The following VSTM2B variants were observed in gnomAD, a reference collection of about 807,000 sequenced individuals.
The protein encoded by VSTM2B is V-set and transmembrane domain containing 2B, also known as V-set and transmembrane domain-containing protein 2B.
In VSTM2B, 24 loss-of-function variants were observed where a neutral mutation model predicts 24.0. That is an observed-to-expected ratio of 1.00 (90% CI 0.72 to 1.40). VSTM2B has a LOEUF of 1.40. VSTM2B is among the 40% of genes most tolerant of loss of function. VSTM2B has a pLI of 0.00. For missense variants in VSTM2B, 399 were observed against 416.4 expected (o/e 0.96, Z 0.36); for synonymous variants, 226 against 194.4 (o/e 1.16, Z -1.35).
intron 4 of VSTM2B, among the ~76,000 whole-genome samples, chr19:29,546,670 G>GCCCCCCC (rs201235419): frequency 1.3e-5 from 2 of 150,430 alleles, no homozygotes; most frequent in African/African-American, 4.9e-5. Context: ...CCGCTGGGGA[G>GCCCCCCC]CCCCCACCCC....
At chr19:29,530,442 C>CG (rs1491307972) in intron 4 of VSTM2B, among the ~76,000 whole-genome samples, 152 bp downstream of exon 4, 1 of 146,070 alleles carries the variant, frequency 6.8e-6, no homozygotes, top group African/African-American at 2.5e-5. Flanking sequence ...AGCGCCCCCC[C>CG]CAGGGCCTTC....
intron 2 of VSTM2B, among the ~76,000 whole-genome samples, chr19:29,527,783 G>A (rs966429332): frequency 2.6e-5 from 4 of 152,196 alleles, no homozygotes; most frequent in Admixed American, 2.6e-4. Flanking sequence ...GGGCTCCCAC[G>A]GCTGCGTTCC....
intron 4 of VSTM2B, among the ~76,000 whole-genome samples, chr19:29,537,368 G>A (rs1290993093): frequency 6.6e-6 from 1 of 152,108 alleles, no homozygotes; most frequent in Non-Finnish European, 1.5e-5. Context: ...AGGTGGCTGC[G>A]GGGGCTGCTT....
At chr19:29,546,769 C>T (rs1181586257) in intron 4 of VSTM2B, among the ~76,000 whole-genome samples, 1 of 152,118 alleles carries the variant, frequency 6.6e-6, no homozygotes, top group Admixed American at 6.5e-5. Flanking sequence ...TTGCCATTCA[C>T]ATTAAGTGAC....
In VSTM2B at chr19:29,564,006, G is replaced by A. The variant is rs1372121009; in HGVS notation, c.*72G>A. ...CGGGGCCCTCGGTGAGGACCATGTC[G>A]CTGGATGGACACAGAGAGACTGAGA... On this transcript the variant is annotated 3_prime_UTR_variant, in exon 5 of 5. Coordinates refer to ENST00000335523, the MANE Select transcript of VSTM2B (RefSeq NM_001146339.2). The A allele has an allele frequency of 3.1e-5, 37 of 1,187,184 alleles. 1 individual carries two copies. Among genetic ancestry groups the A allele is most frequent in the South Asian group, 9.1e-5 (7 of 76,556 alleles). The allele number at this position is 1,187,184 out of a possible 1,614,324, so 73.5% of individuals were successfully genotyped here. A position where few individuals can be genotyped will look rare whatever the true frequency, so the allele number is the denominator to read the frequency against.
chr19:29,531,939 A>G (rs1969771110), intron 4 of VSTM2B, among the ~76,000 whole-genome samples: 5 of 152,238 alleles, frequency 3.3e-5, no homozygotes, highest in Non-Finnish European at 7.3e-5. Flanking sequence ...GAGGCTTCCA[A>G]AGTCACTCTG....
intron 4 of VSTM2B, among the ~76,000 whole-genome samples, chr19:29,562,070 T>C (rs752506798): frequency 1.4e-4 from 21 of 152,190 alleles, no homozygotes; most frequent in Non-Finnish European, 2.6e-4. Context: ...CGATGGTCTA[T>C]GGACAATTCA....
chr19:29,555,030 G>A (rs537081939), intron 4 of VSTM2B, among the ~76,000 whole-genome samples: 28 of 152,258 alleles, frequency 1.8e-4, no homozygotes, highest in Non-Finnish European at 2.9e-4. Context: ...AGGATATTTA[G>A]GACTTGAACT....
chr19:29,543,538 C>T (rs980091191), intron 4 of VSTM2B, among the ~76,000 whole-genome samples: 2 of 152,244 alleles, frequency 1.3e-5, no homozygotes, highest in South Asian at 2.1e-4. Context: ...AGCCTCCTCC[C>T]GGACCTCAGG....
intron 3 of VSTM2B, 100 bp downstream of exon 3, chr19:29,528,562 G>T: frequency 7.1e-7 from 1 of 1,416,318 alleles, no homozygotes. Context: ...GCGCATGTGG[G>T]GCCGCGCAAG....
At chr19:29,534,726 A>AAAAG (rs1555748904) in intron 4 of VSTM2B, among the ~76,000 whole-genome samples, 78 of 148,692 alleles carry the variant, frequency 5.2e-4, no homozygotes, top group South Asian at 2.0e-3. Context: ...CAAAAAAAAA[A>AAAAG]AAAGAAAGAA....
upstream of VSTM2B, among the ~76,000 whole-genome samples, chr19:29,525,949 A>C (rs1462981638): frequency 6.6e-6 from 1 of 150,502 alleles, no homozygotes; most frequent in East Asian, 2.0e-4. Context: ...CTTGGCGCCC[A>C]GCCACTGACC....
At position 29,525,995 on chromosome 19, in the gene VSTM2B, C is replaced by A. The variant is rs1969551391; in HGVS notation, c.-589C>A. On this transcript the variant is annotated 5_prime_UTR_variant, in exon 1 of 5. Coordinates refer to ENST00000335523, the MANE Select transcript of VSTM2B (RefSeq NM_001146339.2). ...TTCCCCTCCCCTCCCCCTCTCCCCGCCTCTCTCCGGCTCCGGGTCCGCCAC... is the reference window on the plus strand; with the variant it reads ...TTCCCCTCCCCTCCCCCTCTCCCCGACTCTCTCCGGCTCCGGGTCCGCCAC... Among the ~76,000 whole-genome samples the A allele has an allele frequency of 6.6e-6, 1 of 151,994 alleles. No individual in the cohort carries two copies. Among genetic ancestry groups the A allele is most frequent in the African/African-American group, 2.4e-5 (1 of 41,430 alleles).
At chr19:29,557,673 T>C (rs527274590) in intron 4 of VSTM2B, among the ~76,000 whole-genome samples, 2 of 148,694 alleles carry the variant, frequency 1.3e-5, no homozygotes, top group Non-Finnish European at 3.0e-5. Context: ...CACTCCAGCC[T>C]GGGCAACAAG....
chr19:29,550,119 A>T (rs734837), intron 4 of VSTM2B, among the ~76,000 whole-genome samples: 1 of 152,206 alleles, frequency 6.6e-6, no homozygotes, highest in Non-Finnish European at 1.5e-5. Flanking sequence ...TTTCTAGCCA[A>T]GAAGCCCTTG....
At chr19:29,545,440 C>G (rs1970130398) in intron 4 of VSTM2B, among the ~76,000 whole-genome samples, 1 of 152,066 alleles carries the variant, frequency 6.6e-6, no homozygotes, top group African/African-American at 2.4e-5. Context: ...TGGTGAAACC[C>G]CATCTCTACT....
chr19:29,540,168 A>C (rs1257670268), intron 4 of VSTM2B, among the ~76,000 whole-genome samples: 1 of 152,258 alleles, frequency 6.6e-6, no homozygotes, highest in East Asian at 1.9e-4. Flanking sequence ...CATCAGGCTC[A>C]GTCCGAGTGG....
intron 4 of VSTM2B, among the ~76,000 whole-genome samples, chr19:29,552,818 C>T (rs1462227170): frequency 6.6e-6 from 1 of 152,182 alleles, no homozygotes; most frequent in Non-Finnish European, 1.5e-5. Context: ...GAGGAATTCC[C>T]CACAGTGCAG....
intron 4 of VSTM2B, among the ~76,000 whole-genome samples, chr19:29,563,157 C>T (rs1599915224): frequency 1.3e-5 from 2 of 151,888 alleles, no homozygotes; most frequent in East Asian, 1.9e-4. Flanking sequence ...TGTGTGGGAT[C>T]GTGTAGCCTT....
Sources: gnomAD v4.1 joint callset for allele counts (sites outside exome capture counted in the v4.1 genomes callset) on GRCh38, gnomAD v4.1.1 for gene constraint, MANE v1.5 for transcripts, NCBI Gene and HGNC (gene_info 2026-07-23, HGNC 2026-07-21) for gene names.